PDK1: variants seen among roughly 807,000 people sequenced by gnomAD.
The protein encoded by PDK1 is pyruvate dehydrogenase kinase 1.
PDK1 carries 39 observed loss-of-function variants against 54.2 expected under a neutral mutation model. The observed-to-expected ratio is 0.72, with a 90% CI of 0.56 to 0.94. PDK1 has a LOEUF of 0.94. PDK1 is among the 40% of genes least tolerant of loss of function. The pLI is 0.00. For missense variants in PDK1, 552 were observed against 566.0 expected (o/e 0.98, Z 0.25); for synonymous variants, 221 against 207.1 (o/e 1.07, Z -0.58).
chr2:172,653,272 A>G, the PDK1 span, among the ~76,000 whole-genome samples: 5 of 152,332 alleles, frequency 3.3e-5, no homozygotes, highest in South Asian at 4.1e-4. Context: ...AGCCATATGT[A>G]GAAAGCTGAA....
chr2:172,623,342 A>G, the PDK1 span, among the ~76,000 whole-genome samples: 1 of 152,266 alleles, frequency 6.6e-6, no homozygotes, highest in East Asian at 1.9e-4. Flanking sequence ...GAGCTCCCAC[A>G]GTTCTGAGCA....
In PDK1 at chr2:172,564,731, T is replaced by C. The variant is rs532723066; in HGVS notation, c.595+44T>C. On this transcript the variant is annotated intron_variant, in intron 4 of 10. Transcript: ENST00000282077. ...TCAAGAGAAGAAGCTAAATGAGATGTGTTGGCATATTTTAAATTTATTTAG... is the reference window on the plus strand; with the variant it reads ...TCAAGAGAAGAAGCTAAATGAGATGCGTTGGCATATTTTAAATTTATTTAG... 2.2e-5 allele frequency: 32 copies of C among 1,476,398 alleles called. 1 individual carries two copies. In the South Asian group the frequency reaches 3.5e-4, roughly 16 times the overall value. 91.5% of individuals were successfully genotyped at this position (1,476,398 alleles called of 1,614,324 possible). A position where few individuals can be genotyped will look rare whatever the true frequency, so the allele number is the denominator to read the frequency against.
chr2:172,594,268 G>A (rs1366453328), intron 10 of PDK1, among the ~76,000 whole-genome samples: 2 of 151,992 alleles, frequency 1.3e-5, no homozygotes, highest in African/African-American at 2.4e-5. Flanking sequence ...CAGGTGATCC[G>A]CTTGCCTTGG....
chr2:172,707,830 T>A, the PDK1 span, among the ~76,000 whole-genome samples: 1 of 152,348 alleles, frequency 6.6e-6, no homozygotes, highest in East Asian at 1.9e-4. Context: ...GTTGTAGGGA[T>A]CTTCATTTGT....
chr2:172,570,584 T>G (rs1689191151), intron 7 of PDK1, 142 bp from the exon 8 acceptor site: 2 of 492,868 alleles, frequency 4.1e-6, no homozygotes, highest in African/African-American at 4.0e-5. Context: ...AAAAAAAAAC[T>G]TTAAATGTGG....
In PDK1 at chr2:172,594,335, T is replaced by G. The variant is rs115003391; in HGVS notation, c.1170+1287T>G. ...CCACCACACCTGGCCTAGTGCAATG[T>G]TTTTATGACAAAATGTAACATTTTG... On this transcript the variant is annotated intron_variant, in intron 10 of 10. Coordinates refer to ENST00000282077, the MANE Select transcript of PDK1 (RefSeq NM_002610.5). 3.1e-3 allele frequency among the ~76,000 whole-genome samples: 470 copies of G among 152,280 alleles called. 2 individuals are homozygous for G. The highest frequency in any genetic ancestry group is 0.011 in the African/African-American group (456 of 41,552).
the PDK1 span, among the ~76,000 whole-genome samples, chr2:172,686,503 A>AAATGGACCAATCAGTGCTCTGTAT: frequency 6.6e-6 from 1 of 152,182 alleles, no homozygotes; most frequent in Non-Finnish European, 1.5e-5. Context: ...GTGCTCTGTA[A>AAATGGACCAATCAGTGCTCTGTAT]AATGGACCAA....
the PDK1 span, among the ~76,000 whole-genome samples, chr2:172,717,844 T>C: frequency 6.6e-5 from 10 of 152,192 alleles, no homozygotes; most frequent in Admixed American, 2.0e-4. Context: ...AAATGATTAA[T>C]GGAGCTCACT....
At chr2:172,675,412 T>C in the PDK1 span, among the ~76,000 whole-genome samples, 48 of 152,278 alleles carry the variant, frequency 3.2e-4, no homozygotes, top group Middle Eastern at 3.4e-3. Flanking sequence ...TGAAGGAAAC[T>C]ACAAATGCTA....
the PDK1 span, among the ~76,000 whole-genome samples, chr2:172,650,834 G>C: frequency 2.0e-5 from 3 of 152,156 alleles, no homozygotes; most frequent in Admixed American, 1.3e-4. Context: ...CATAAAGCAA[G>C]TCCTTAGAGA....
chr2:172,565,797 C>A lies in PDK1; in HGVS notation c.691+724C>A, dbSNP rs138272850. 5.0e-3 allele frequency among the ~76,000 whole-genome samples: 762 copies of A among 152,126 alleles called. 9 individuals carry two copies. Among genetic ancestry groups the A allele is most frequent in the African/African-American group, 0.017 (695 of 41,518 alleles). ...AAAATGGGGTGCTCTATGTTTTTTTCTACAAGTTTACAGACATCTTGCTGT... is the reference window on the plus strand; with the variant it reads ...AAAATGGGGTGCTCTATGTTTTTTTATACAAGTTTACAGACATCTTGCTGT... On this transcript the variant is annotated intron_variant, in intron 5 of 10. Coordinates refer to ENST00000282077, the MANE Select transcript of PDK1 (RefSeq NM_002610.5).
the PDK1 span, among the ~76,000 whole-genome samples, chr2:172,675,643 G>A: frequency 1.3e-5 from 2 of 152,196 alleles, no homozygotes; most frequent in African/African-American, 2.4e-5. Flanking sequence ...GGTCCATGAG[G>A]TTTAGGGAAA....
downstream of PDK1, among the ~76,000 whole-genome samples, chr2:172,612,485 A>G (rs947196042): frequency 2.0e-5 from 3 of 151,700 alleles, no homozygotes; most frequent in Admixed American, 6.6e-5. Flanking sequence ...TTTTTTTTTT[A>G]AACATTTTCA....
At position 172,570,711 on chromosome 2, in the gene PDK1, C is replaced by G; in HGVS notation, c.847-15C>G. ...TAAAAAGCTGTATTTTTAATACAACCCTAATGTATTTCAGAATGCAATGAG... is the reference window on the plus strand; with the variant it reads ...TAAAAAGCTGTATTTTTAATACAACGCTAATGTATTTCAGAATGCAATGAG... On this transcript the variant is annotated splice_polypyrimidine_tract_variant and intron_variant, in intron 7 of 10. Transcript: ENST00000282077. The G allele has an allele frequency of 6.9e-7, 1 of 1,446,402 alleles. No individual in the cohort carries two copies. Among genetic ancestry groups the G allele is most frequent in the Non-Finnish European group, 9.7e-7 (1 of 1,030,224 alleles). 89.6% of individuals were successfully genotyped at this position (1,446,402 alleles called of 1,614,324 possible). A position where few individuals can be genotyped will look rare whatever the true frequency, so the allele number is the denominator to read the frequency against.
chr2:172,582,472 T>C (rs572236035), intron 8 of PDK1, among the ~76,000 whole-genome samples: 130 of 152,322 alleles, frequency 8.5e-4, no homozygotes, highest in African/African-American at 3.1e-3. Flanking sequence ...TTAGATGACA[T>C]TGACAAGTGG....
chr2:172,663,491 C>T, the PDK1 span, among the ~76,000 whole-genome samples: 1 of 151,676 alleles, frequency 6.6e-6, no homozygotes, highest in Non-Finnish European at 1.5e-5. Flanking sequence ...TTTCTTGAGA[C>T]AGAGTCTCAC....
In PDK1 at chr2:172,568,809, C is replaced by G; in HGVS notation, c.838C>G (p.Leu280Val). The G allele has an allele frequency of 1.9e-6, 3 of 1,585,670 alleles. No homozygotes were observed. The highest frequency in any genetic ancestry group is 2.6e-6 in the Non-Finnish European group (3 of 1,154,112). ...CCATCTCTATCACATGGTGTTTGAA[C>G]TTTTCAAGGTTTGTAAAATAGTATT... ...PSHLYHMVFELFKNAMRATME... is the reference protein window; with the variant it reads ...PSHLYHMVFEVFKNAMRATME... The change falls in exon 7 of 11, where the codon CTT becomes GTT. Residue 280 changes from leucine (L) to valine (V), a missense_variant. Leu to Val is a conservative substitution (Grantham distance 32). Coordinates refer to ENST00000282077, the MANE Select transcript of PDK1 (RefSeq NM_002610.5).
downstream of PDK1, among the ~76,000 whole-genome samples, chr2:172,610,097 C>T (rs780326229): frequency 5.3e-5 from 8 of 152,124 alleles, no homozygotes; most frequent in Non-Finnish European, 8.8e-5. Flanking sequence ...GCTGGGATTA[C>T]AGGCGTGAGC....
chr2:172,592,961 A>G lies in PDK1; in HGVS notation c.1083A>G (p.Ile361Met). The G allele has an allele frequency of 6.2e-7, 1 of 1,612,196 alleles. No homozygotes were observed. Among genetic ancestry groups the G allele is most frequent in the Non-Finnish European group, 8.5e-7 (1 of 1,178,482 alleles). The change falls in exon 10 of 11, where the codon ATA (isoleucine) becomes ATG (methionine). Residue 361 changes from isoleucine (I) to methionine (M), a missense_variant. Coordinates refer to ENST00000282077, the MANE Select transcript of PDK1 (RefSeq NM_002610.5). Reference protein sequence around the residue: ...PLAGFGYGLPISRLYAQYFQG... With the variant: ...PLAGFGYGLPMSRLYAQYFQG... ...CTGGTTTTGGTTATGGATTGCCCAT[A>G]TCACGTCTTTACGCACAATACTTCC...
Sources: gnomAD v4.1 joint callset for allele counts (sites outside exome capture counted in the v4.1 genomes callset) on GRCh38, gnomAD v4.1.1 for gene constraint, MANE v1.5 for transcripts, NCBI Gene and HGNC (gene_info 2026-07-23, HGNC 2026-07-21) for gene names.